Variants in CHD1 observed in about 807,000 individuals in gnomAD.
CHD1 encodes the protein chromodomain helicase DNA binding protein 1, also known as ATP-dependent chromatin remodeler CHD1.
CHD1 carries 36 observed loss-of-function variants against 224.2 expected under a neutral mutation model. The ratio of observed to expected loss-of-function variants is 0.16; its 90% CI spans 0.12 to 0.21. The LOEUF is 0.21. Among genes scored for constraint, CHD1 ranks in the 10% least tolerant of loss-of-function variants. The probability of loss-of-function intolerance (pLI) is 1.00; values close to 1 mark genes in which losing one functional copy is unlikely to be tolerated. For missense variants in CHD1, 1,378 were observed against 1,994.8 expected (o/e 0.69, Z 5.89); for synonymous variants, 668 against 658.3 (o/e 1.01, Z -0.23).
chr5:98,889,573 T>C (rs545103610), intron 15 of CHD1, among the ~76,000 whole-genome samples: 11 of 131,642 alleles, frequency 8.4e-5, no homozygotes, highest in Non-Finnish European at 1.8e-4. Context: ...AGACAGCTAA[T>C]GAAACTGAAT....
chr5:98,927,023 G>A (rs1241798025), intron 1 of CHD1, among the ~76,000 whole-genome samples: 1 of 151,512 alleles, frequency 6.6e-6, no homozygotes, highest in Non-Finnish European at 1.5e-5. Flanking sequence ...CCCATGGGAG[G>A]AACAGGCAAA....
At chr5:98,885,786 T>C (rs1354823073) in intron 17 of CHD1, 137 bp from the exon 18 acceptor site, 4 of 595,404 alleles carry the variant, frequency 6.7e-6, no homozygotes, top group Non-Finnish European at 1.2e-5. Flanking sequence ...TACTAGACAG[T>C]AAAATAATGC....
chr5:98,867,036 T>C (rs925105189), intron 31 of CHD1, among the ~76,000 whole-genome samples: 1 of 152,178 alleles, frequency 6.6e-6, no homozygotes, highest in Non-Finnish European at 1.5e-5. Flanking sequence ...ATTCATTTAA[T>C]CTTCATACTT....
At chr5:98,927,533 C>A (rs748164463) in intron 1 of CHD1, among the ~76,000 whole-genome samples, 3 of 152,202 alleles carry the variant, frequency 2.0e-5, no homozygotes, top group Non-Finnish European at 4.4e-5. Context: ...GCATCTGGAT[C>A]AGGATGTTAA....
At chr5:98,922,476 TA>T (rs1289376437) in intron 2 of CHD1, among the ~76,000 whole-genome samples, 7 of 152,280 alleles carry the variant, frequency 4.6e-5, no homozygotes, top group African/African-American at 9.6e-5. Flanking sequence ...AAAGAATAGT[TA>T]AAAATTTTTT....
intron 18 of CHD1, among the ~76,000 whole-genome samples, chr5:98,884,397 G>GT (rs1750489929): frequency 6.6e-6 from 1 of 152,062 alleles, no homozygotes; most frequent in Non-Finnish European, 1.5e-5. Context: ...TCTGAGTGAA[G>GT]TAACTCAGGA....
chr5:98,857,290 A>G (rs1233275274), intron 35 of CHD1, among the ~76,000 whole-genome samples: 1 of 152,026 alleles, frequency 6.6e-6, no homozygotes, highest in Non-Finnish European at 1.5e-5. Flanking sequence ...TAAATGTGGC[A>G]GTTTAATGAG....
At chr5:98,914,360 A>C (rs1222734699) in intron 2 of CHD1, among the ~76,000 whole-genome samples, 1 of 152,234 alleles carries the variant, frequency 6.6e-6, no homozygotes, top group African/African-American at 2.4e-5. Flanking sequence ...TCTCTAATAT[A>C]GTACCCTGTT....
At chr5:98,900,627 G>A (rs1368477072) in intron 7 of CHD1, among the ~76,000 whole-genome samples, 184 bp downstream of exon 7, 1 of 151,916 alleles carries the variant, frequency 6.6e-6, no homozygotes. Context: ...TTTTAGTAGA[G>A]ATGGGGTTTT....
At chr5:98,887,500 TTAAG>T (rs1231900191) in intron 17 of CHD1, among the ~76,000 whole-genome samples, 1 of 152,172 alleles carries the variant, frequency 6.6e-6, no homozygotes, top group East Asian at 1.9e-4. Flanking sequence ...GCTTTGAGAA[TTAAG>T]TAATTAGATC....
chr5:98,878,900 G>A (rs944731811), intron 23 of CHD1, among the ~76,000 whole-genome samples: 1 of 152,222 alleles, frequency 6.6e-6, no homozygotes, highest in Non-Finnish European at 1.5e-5. Flanking sequence ...TTAGAAAAGA[G>A]AGATTACATT....
chr5:98,902,835 G>GAA (rs1191917116), intron 5 of CHD1, 65 bp downstream of exon 5: 3 of 1,038,862 alleles, frequency 2.9e-6, no homozygotes, highest in Non-Finnish European at 4.3e-6. Context: ...TTTTCATAAA[G>GAA]AAAGAAATAT....
At chr5:98,893,388 T>C (rs760026049) in intron 14 of CHD1, 28 bp downstream of exon 14, 12 of 1,506,592 alleles carry the variant, frequency 8.0e-6, no homozygotes, top group Middle Eastern at 1.8e-4. Context: ...ATCCACACAA[T>C]ATGATTAAAA....
chr5:98,896,138 G>T (rs1487586256), intron 12 of CHD1, 88 bp downstream of exon 12: 1 of 1,119,962 alleles, frequency 8.9e-7, no homozygotes, highest in Non-Finnish European at 1.3e-6. Flanking sequence ...CTGGGAGACA[G>T]AGTGAAACCC....
intron 4 of CHD1, 83 bp from the exon 5 acceptor site, chr5:98,903,047 A>C: frequency 1.4e-6 from 1 of 729,852 alleles, no homozygotes. Flanking sequence ...ATACTATTTA[A>C]CATTCACTTT....
intron 18 of CHD1, among the ~76,000 whole-genome samples, chr5:98,884,143 G>A (rs569069665): frequency 2.0e-5 from 3 of 148,866 alleles, no homozygotes; most frequent in Non-Finnish European, 3.0e-5. Flanking sequence ...GCGCGATCTC[G>A]GTTCACTGCA....
At chr5:98,911,146 A>AAAAATATAT (rs1491111295) in intron 2 of CHD1, among the ~76,000 whole-genome samples, 5 of 39,130 alleles carry the variant, frequency 1.3e-4, no homozygotes, top group African/African-American at 3.6e-4. Flanking sequence ...AAAAAAAAAA[A>AAAAATATAT]ATATATATAT....
chr5:98,880,647 C>A (rs1364372021), intron 22 of CHD1, among the ~76,000 whole-genome samples: 1 of 152,114 alleles, frequency 6.6e-6, no homozygotes, highest in Non-Finnish European at 1.5e-5. Flanking sequence ...TATTAAGTAT[C>A]AATATATAGT....
chr5:98,856,815 A>G (rs890114699), intron 35 of CHD1, 90 bp from the exon 36 acceptor site: 4 of 844,004 alleles, frequency 4.7e-6, no homozygotes, highest in Non-Finnish European at 7.2e-6. Flanking sequence ...AAAATACCTT[A>G]AAACATGTTT....
Sources: gnomAD v4.1 joint callset for allele counts (sites outside exome capture counted in the v4.1 genomes callset) on GRCh38, gnomAD v4.1.1 for gene constraint, MANE v1.5 for transcripts, NCBI Gene and HGNC (gene_info 2026-07-23, HGNC 2026-07-21) for gene names.